Variants in AP4B1 observed in about 807,000 individuals in gnomAD.
AP4B1 encodes the protein adaptor related protein complex 4 subunit beta 1.
A neutral mutation model predicts 76.5 loss-of-function variants in AP4B1; 49 were observed. That is an observed-to-expected ratio of 0.64 (90% CI 0.51 to 0.81). The LOEUF (loss-of-function observed/expected upper bound fraction) is 0.81. AP4B1 is among the 40% of genes least tolerant of loss of function. The probability of loss-of-function intolerance (pLI) is 0.00; values close to 1 mark genes in which losing one functional copy is unlikely to be tolerated. For synonymous variants in AP4B1, 330 were observed against 333.3 expected (o/e 0.99, Z 0.11); for missense variants, 911 against 904.9 (o/e 1.01, Z -0.09).
chr1:113,899,496 T>C (rs946488855), intron 5 of AP4B1: 10 of 436,514 alleles, frequency 2.3e-5, no homozygotes, highest in Non-Finnish European at 3.4e-5. Flanking sequence ...TAAAACTATG[T>C]GCCCTTTTGG....
In AP4B1 at chr1:113,900,377, C is replaced by A. The variant is rs763949979; in HGVS notation, c.641G>T (p.Gly214Val). 1.9e-6 allele frequency: 3 copies of A among 1,612,908 alleles called. No homozygotes were observed. Among genetic ancestry groups the A allele is most frequent in the Non-Finnish European group, 8.5e-7 (1 of 1,179,800 alleles). ...LNRMSKLDQWGQAEVLNFLLR... is the reference protein window; with the variant it reads ...LNRMSKLDQWVQAEVLNFLLR... ...CAGAAAGTTCAATACTTCAGCCTGG[C>A]CCCATTGGTCCAGTTTTGACATTCT... The change falls in exon 5 of 10, where the codon GGC becomes GTC. Residue 214 changes from glycine (G) to valine (V), a missense_variant. By Grantham distance (109) the Gly-to-Val change is moderately radical. Coordinates refer to ENST00000369569, the MANE Select transcript of AP4B1 (RefSeq NM_001253852.3).
chr1:113,895,028 G>C lies in AP4B1; in HGVS notation c.*37C>G. 1.9e-6 allele frequency: 3 copies of C among 1,585,832 alleles called. No homozygotes were observed. Among genetic ancestry groups the C allele is most frequent in the African/African-American group, 1.3e-5 (1 of 74,254 alleles). ...TAGGAAAGACTAAGAAAGTGTAATA[G>C]TTATTCATCTTACTCTAGACAAGCA... On this transcript the variant is annotated 3_prime_UTR_variant, in exon 10 of 10. Transcript: ENST00000369569.
chr1:113,898,664 T>G (rs1033382297), intron 6 of AP4B1, 54 bp downstream of exon 6: 26 of 1,354,920 alleles, frequency 1.9e-5, no homozygotes, highest in Non-Finnish European at 2.6e-5. Context: ...GAGCAACTAC[T>G]ATAGGCCAGG....
rs1327700771 is a variant in AP4B1 at position 113,895,375 on chromosome 1, C to A, written c.1910G>T (p.Ser637Ile). ...TADYFEKTWL[S>I]LKVAHQQVLP... ...CACTTGCTGATGAGCAACTTTAAGG[C>A]TAAGCCAAGTTTTCTCAAAATAATC... The change falls in exon 10 of 10, where the codon AGC (serine) becomes ATC (isoleucine). Residue 637 changes from serine to isoleucine, a missense_variant. Coordinates refer to ENST00000369569, the MANE Select transcript of AP4B1 (RefSeq NM_001253852.3). 21 of 1,614,202 alleles carry A rather than the reference C, an allele frequency of 1.3e-5. No individual in the cohort carries two copies. The highest frequency in any genetic ancestry group is 1.7e-5 in the Non-Finnish European group (20 of 1,180,046).
In AP4B1 at chr1:113,895,488, G is replaced by A; in HGVS notation, c.1797C>T (p.Pro599=). The A allele has an allele frequency of 6.2e-7, 1 of 1,614,162 alleles. No homozygotes were observed. Among genetic ancestry groups the A allele is most frequent in the Non-Finnish European group, 8.5e-7 (1 of 1,180,040 alleles). Residue 599 remains proline, a synonymous_variant, in exon 10 of 10, where the codon CCC becomes CCT. Coordinates refer to ENST00000369569, the MANE Select transcript of AP4B1 (RefSeq NM_001253852.3). Reference sequence around the variant, plus strand: ...TCTCCTTGTTCTCTTCAGGAATCAAGGGTCCTAAAAGAGACAGAAAACTTG... The same window carrying A: ...TCTCCTTGTTCTCTTCAGGAATCAAAGGTCCTAAAAGAGACAGAAAACTTG... ...PKTSSFAASG[P]LIPEENKERV... is the part of the protein sequence containing the mutation.
intron 2 of AP4B1, 63 bp downstream of exon 2, chr1:113,902,575 C>T: frequency 6.6e-7 from 1 of 1,523,732 alleles, no homozygotes; most frequent in Non-Finnish European, 9.1e-7. Flanking sequence ...TCTTTAAAAA[C>T]CTACCCTGTG....
chr1:113,901,526 A>T lies in AP4B1; in HGVS notation c.470-143T>A. On this transcript the variant is annotated intron_variant, in intron 3 of 9. Coordinates refer to ENST00000369569, the MANE Select transcript of AP4B1 (RefSeq NM_001253852.3). ...AGGCCACACTAAAGTGCAAGGCAAA[A>T]AAAAAACTGCCATGTCCAGACTGTT... 9.9e-6 allele frequency: 12 copies of T among 1,206,836 alleles called. No individual in the cohort carries two copies. In the South Asian group the frequency reaches 1.7e-4, roughly 17 times the overall value. The allele number at this position is 1,206,836 out of a possible 1,614,324, so 74.8% of individuals were successfully genotyped here. A position where few individuals can be genotyped will look rare whatever the true frequency, so the allele number is the denominator to read the frequency against.
At chr1:113,903,591 G>A (rs1451940403) in intron 1 of AP4B1, among the ~76,000 whole-genome samples, 1 of 152,180 alleles carries the variant, frequency 6.6e-6, no homozygotes, top group Non-Finnish European at 1.5e-5. Flanking sequence ...TCTGACACTG[G>A]CAGGAAGTCA....
chr1:113,904,988 C>T (rs1668804760), upstream of AP4B1: 3 of 460,606 alleles, frequency 6.5e-6, no homozygotes, highest in South Asian at 6.2e-5. Context: ...GCTCCCGCTA[C>T]TTCTAGGTCC....
At position 113,902,661 on chromosome 1, in the gene AP4B1, C is replaced by T. The variant is rs767383906; in HGVS notation, c.315G>A (p.Ala105=). Residue 105 remains alanine, a synonymous_variant, in exon 2 of 10, where the codon GCG becomes GCA. Coordinates refer to ENST00000369569, the MANE Select transcript of AP4B1 (RefSeq NM_001253852.3). ...ACCTGAGGCTACACATGCTCCGTAA[C>T]GCCAGCCCTCGCACCATTGGATTGG... The part of the protein sequence containing the change: ...SDPNPMVRGL[A]LRSMCSLRMP... 3.7e-6 allele frequency: 6 copies of T among 1,613,344 alleles called. No homozygotes were observed. The highest frequency in any genetic ancestry group is 1.7e-5 in the Admixed American group (1 of 60,012).
chr1:113,898,547 A>G (rs886196179), intron 6 of AP4B1, among the ~76,000 whole-genome samples, 171 bp downstream of exon 6: 8 of 152,234 alleles, frequency 5.3e-5, no homozygotes, highest in African/African-American at 1.9e-4. Flanking sequence ...CTGAAGACTC[A>G]ATATCCTATT....
At position 113,901,832 on chromosome 1, in the gene AP4B1, T is replaced by G; in HGVS notation, c.392A>C (p.Asp131Ala). Residue 131 changes from aspartate (D) to alanine (A), a missense_variant, in exon 3 of 10, where the codon GAT becomes GCT. Physicochemically the swap from Asp to Ala is moderately radical, Grantham distance 126. Transcript: ENST00000369569. The stretch of plus-strand genomic sequence containing the variant: ...CACTCTCCTGACATATGAAGCCTTA[T>G]CCCGCAGACCATTGAGAATAGGCTG... ...IQQPILNGLR[D>A]KASYVRRVAV... The G allele has an allele frequency of 6.2e-7, 1 of 1,614,146 alleles. No individual in the cohort carries two copies. Among genetic ancestry groups the G allele is most frequent in the African/African-American group, 1.3e-5 (1 of 75,018 alleles).
chr1:113,894,932 A>T lies in AP4B1; in HGVS notation c.*133T>A. The stretch of plus-strand genomic sequence containing the variant: ...ATCAATGTTCTTTGGCCAAAAACTT[A>T]AGAATCCTGATTTCTAGATTTTCCA... On this transcript the variant is annotated 3_prime_UTR_variant, in exon 10 of 10. Coordinates refer to ENST00000369569, the MANE Select transcript of AP4B1 (RefSeq NM_001253852.3). The T allele has an allele frequency of 9.5e-7, 1 of 1,052,534 alleles. No individual in the cohort carries two copies. The highest frequency in any genetic ancestry group is 1.4e-6 in the Non-Finnish European group (1 of 740,340). 65.2% of individuals were successfully genotyped at this position (1,052,534 alleles called of 1,614,324 possible).
chr1:113,903,310 C>G (rs1376873692), intron 1 of AP4B1, among the ~76,000 whole-genome samples: 2 of 152,238 alleles, frequency 1.3e-5, no homozygotes, highest in Non-Finnish European at 2.9e-5. Flanking sequence ...AGGTGATCCA[C>G]CCGCCTTGGC....
Position 113,904,747 on chromosome 1 carries a change from A to C in AP4B1, c.-30T>G. The C allele has an allele frequency of 6.3e-7, 1 of 1,588,520 alleles. No homozygotes were observed. The highest frequency in any genetic ancestry group is 8.6e-7 in the Non-Finnish European group (1 of 1,158,496). ...CTAAGAGTCACAGGGCAGCTCCCAC[A>C]GCTCCCACGGTAACTCGAGGGCTCC... On this transcript the variant is annotated 5_prime_UTR_variant, in exon 1 of 10. Transcript: ENST00000369569.
Position 113,902,684 on chromosome 1 carries a change from T to C in AP4B1, c.292A>G (p.Asn98Asp), listed in dbSNP as rs1314003468. 2 of 1,613,860 alleles carry C rather than the reference T, an allele frequency of 1.2e-6. No individual in the cohort carries two copies. Among genetic ancestry groups the C allele is most frequent in the South Asian group, 2.2e-5 (2 of 91,076 alleles). ...AACGCCAGCCCTCGCACCATTGGAT[T>C]GGGGTCTGAGCAGTCTTTGCACAGC... ...NTLCKDCSDP[N>D]PMVRGLALRS... Residue 98 changes from asparagine to aspartate, a missense_variant, in exon 2 of 10, where the codon AAT (asparagine) becomes GAT (aspartate). Physicochemically the swap from Asn to Asp is conservative, Grantham distance 23. Coordinates refer to ENST00000369569, the MANE Select transcript of AP4B1 (RefSeq NM_001253852.3).
rs1184540215 is a variant in AP4B1 at position 113,895,140 on chromosome 1, T to TG, written c.2144dup (p.Arg716LysfsTer7). 2 of 1,614,102 alleles carry TG rather than the reference T, an allele frequency of 1.2e-6. No individual in the cohort carries two copies. Among genetic ancestry groups the TG allele is most frequent in the African/African-American group, 2.7e-5 (2 of 74,930 alleles). ...TAAAACTATTCAGCGTCTCCGTTCT[T>TG]GCTTCATTTTGTTTCACAGAGATCT... On this transcript the variant is annotated frameshift_variant, in exon 10 of 10. Coordinates refer to ENST00000369569, the MANE Select transcript of AP4B1 (RefSeq NM_001253852.3). LOFTEE classifies it high-confidence loss of function.
chr1:113,904,761 C>T lies in AP4B1; in HGVS notation c.-44G>A, dbSNP rs756910419. 25 of 1,519,968 alleles carry T rather than the reference C, an allele frequency of 1.6e-5. No homozygotes were observed. The highest frequency in any genetic ancestry group is 6.7e-5 in the South Asian group (6 of 89,198). The allele number at this position is 1,519,968 out of a possible 1,614,324, so 94.2% of individuals were successfully genotyped here. A position where few individuals can be genotyped will look rare whatever the true frequency, so the allele number is the denominator to read the frequency against. ...GCAGCTCCCACAGCTCCCACGGTAA[C>T]TCGAGGGCTCCTTCTCGTCCTGATG... On this transcript the variant is annotated 5_prime_UTR_variant, in exon 1 of 10. Coordinates refer to ENST00000369569, the MANE Select transcript of AP4B1 (RefSeq NM_001253852.3).
rs941369086 is a variant in AP4B1, at chr1:113,894,890, A to G, written c.*175T>C. The G allele has an allele frequency of 7.4e-6, 5 of 674,592 alleles. No individual in the cohort carries two copies. The highest frequency in any genetic ancestry group is 1.2e-5 in the Non-Finnish European group (5 of 407,854). 41.8% of individuals were successfully genotyped at this position (674,592 alleles called of 1,614,324 possible). On this transcript the variant is annotated 3_prime_UTR_variant, in exon 10 of 10. Transcript: ENST00000369569. ...CTGAAAAATGGGGTCAATTGCCAAT[A>G]GGAATGAAAGGAATGAATCAATGTT...
Sources: allele counts gnomAD v4.1 joint callset (sites outside exome capture counted in the v4.1 genomes callset), GRCh38; gene constraint gnomAD v4.1.1; transcripts MANE v1.5; gene names NCBI Gene and HGNC (gene_info 2026-07-23, HGNC 2026-07-21).